TSPAN9: variants seen among roughly 807,000 people sequenced by gnomAD.
TSPAN9 encodes the protein tetraspanin-9.
In TSPAN9, 16 loss-of-function variants were observed where a neutral mutation model predicts 31.0. The observed-to-expected ratio is 0.52, with a 90% CI of 0.35 to 0.78. The LOEUF (loss-of-function observed/expected upper bound fraction) is 0.78, where lower values mean the gene tolerates loss of function less well. TSPAN9 is among the 30% of genes least tolerant of loss of function. The pLI is 0.01. For synonymous variants in TSPAN9, 145 were observed against 121.6 expected, an observed-to-expected ratio of 1.19 and a Z score of -1.27; for missense variants, 272 against 312.5, an observed-to-expected ratio of 0.87 and a Z score of 0.98.
chr12:3,099,625 G>C (rs2098310853), intron 2 of TSPAN9, among the ~76,000 whole-genome samples: 1 of 152,120 alleles, frequency 6.6e-6, no homozygotes. Context: ...GATGGGTATT[G>C]GGTTTTGTTA....
At chr12:3,146,254 C>G (rs1372959935) in intron 2 of TSPAN9, among the ~76,000 whole-genome samples, 1 of 152,164 alleles carries the variant, frequency 6.6e-6, no homozygotes, top group African/African-American at 2.4e-5. Context: ...CGCTGGGATG[C>G]GAGGTCAGGG....
intron 2 of TSPAN9, among the ~76,000 whole-genome samples, chr12:3,090,998 T>C (rs1269181563): frequency 6.6e-6 from 1 of 152,254 alleles, no homozygotes; most frequent in Non-Finnish European, 1.5e-5. Context: ...GACTTTGTAG[T>C]AGACAGTGTC....
Position 3,248,631 on chromosome 12 carries a change from T to G in TSPAN9, c.64-29790T>G, listed in dbSNP as rs960094639. 7.2e-5 allele frequency among the ~76,000 whole-genome samples: 10 copies of G among 139,316 alleles called. No individual in the cohort carries two copies. In the East Asian group the frequency reaches 1.4e-3, roughly 20 times the overall value. 91.4% of individuals were successfully genotyped at this position (139,316 alleles called of 152,430 possible). On this transcript the variant is annotated intron_variant, in intron 3 of 8. Transcript: ENST00000011898. ...CTTACAGTGAGCCTGGGAGGTGGAA[T>G]AGATCATATTTTTTTTTTTTGGAGG... is the stretch of plus-strand genomic sequence containing the variant.
chr12:3,159,086 T>A (rs2098343768), intron 2 of TSPAN9, among the ~76,000 whole-genome samples: 1 of 152,002 alleles, frequency 6.6e-6, no homozygotes, highest in South Asian at 2.1e-4. Flanking sequence ...ACACTTTTAT[T>A]GTACATGATC....
chr12:3,278,300 C>T (rs1862828278), intron 3 of TSPAN9, 121 bp from the exon 4 acceptor site: 2 of 1,408,816 alleles, frequency 1.4e-6, no homozygotes, highest in Admixed American at 2.0e-5. Context: ...GTCCCGTTCT[C>T]ACCTTGTCGG....
intron 3 of TSPAN9, among the ~76,000 whole-genome samples, chr12:3,205,417 C>T (rs537696456): frequency 7.2e-5 from 11 of 152,312 alleles, no homozygotes; most frequent in African/African-American, 2.6e-4. Context: ...CCCTCGCAGA[C>T]GCTGGCTGCC....
intron 2 of TSPAN9, among the ~76,000 whole-genome samples, chr12:3,141,641 C>T (rs1232035709): frequency 1.3e-5 from 2 of 152,154 alleles, no homozygotes; most frequent in Non-Finnish European, 1.5e-5. Flanking sequence ...CCTCGGTGTG[C>T]ACGTGTCTCT....
intron 2 of TSPAN9, among the ~76,000 whole-genome samples, chr12:3,138,649 C>CT (rs2098333218): frequency 6.2e-5 from 2 of 32,080 alleles, no homozygotes; most frequent in African/African-American, 1.9e-4. Context: ...AAAAAAAGGA[C>CT]TTTTTTTTCC....
At chr12:3,119,179 A>T (rs560630811) in intron 2 of TSPAN9, among the ~76,000 whole-genome samples, 2 of 152,288 alleles carry the variant, frequency 1.3e-5, no homozygotes, top group East Asian at 3.9e-4. Context: ...TGCCCTCAGG[A>T]TGCTTATAAA....
At chr12:3,210,107 C>T (rs1211415560) in intron 3 of TSPAN9, among the ~76,000 whole-genome samples, 2 of 148,752 alleles carry the variant, frequency 1.3e-5, no homozygotes, top group Admixed American at 6.8e-5. Flanking sequence ...GCACTCCAGC[C>T]TGGGCAACAG....
chr12:3,229,582 C>T (rs1407814733), intron 3 of TSPAN9, among the ~76,000 whole-genome samples: 1 of 152,254 alleles, frequency 6.6e-6, no homozygotes, highest in Non-Finnish European at 1.5e-5. Flanking sequence ...TAGCTTTCAC[C>T]AGGACCTATC....
intron 2 of TSPAN9, among the ~76,000 whole-genome samples, chr12:3,132,290 A>T (rs997645): frequency 0.57 from 86,509 of 151,852 alleles, 25,185 homozygotes; most frequent in Admixed American, 0.64. Flanking sequence ...TACCTAGGAG[A>T]AGAATTGCTG....
At chr12:3,215,595 T>C (rs2098380975) in intron 3 of TSPAN9, among the ~76,000 whole-genome samples, 1 of 152,242 alleles carries the variant, frequency 6.6e-6, no homozygotes, top group Non-Finnish European at 1.5e-5. Flanking sequence ...ATTTGTTCCC[T>C]GGGGAATTTC....
At chr12:3,118,254 CCGTT>C (rs1178343947) in intron 2 of TSPAN9, among the ~76,000 whole-genome samples, 1 of 25,204 alleles carries the variant, frequency 4.0e-5, no homozygotes, top group African/African-American at 8.4e-5. Context: ...CCTGCACCCG[CCGTT>C]TTTTTTTTTT....
At chr12:3,186,275 C>G (rs2098361265) in intron 2 of TSPAN9, among the ~76,000 whole-genome samples, 2 of 152,148 alleles carry the variant, frequency 1.3e-5, no homozygotes, top group African/African-American at 4.8e-5. Flanking sequence ...CTGTTCGTAG[C>G]TTTGGGAATA....
chr12:3,242,069 C>G (rs1356322759), intron 3 of TSPAN9, among the ~76,000 whole-genome samples: 1 of 152,230 alleles, frequency 6.6e-6, no homozygotes, highest in Admixed American at 6.5e-5. Flanking sequence ...GCCCACCCTG[C>G]CACCTCTAAT....
At chr12:3,121,211 T>C (rs926382719) in intron 2 of TSPAN9, among the ~76,000 whole-genome samples, 16 of 152,342 alleles carry the variant, frequency 1.1e-4, no homozygotes, top group African/African-American at 3.8e-4. Context: ...GAGGCTCTTT[T>C]ATTTGCCCTC....
At chr12:3,220,116 G>A (rs946382620) in intron 3 of TSPAN9, among the ~76,000 whole-genome samples, 7 of 144,976 alleles carry the variant, frequency 4.8e-5, no homozygotes, top group Admixed American at 4.2e-4. Context: ...TTGCACTCCA[G>A]CCTGGGTGAC....
intron 2 of TSPAN9, among the ~76,000 whole-genome samples, chr12:3,144,695 T>C (rs994186985): frequency 6.6e-6 from 1 of 152,110 alleles, no homozygotes; most frequent in Non-Finnish European, 1.5e-5. Flanking sequence ...CTAGTGGGGG[T>C]TGCAGGTGCG....
Sources: allele counts gnomAD v4.1 joint callset (sites outside exome capture counted in the v4.1 genomes callset), GRCh38; gene constraint gnomAD v4.1.1; transcripts MANE v1.5; gene names NCBI Gene and HGNC (gene_info 2026-07-23, HGNC 2026-07-21).